Variants in NDUFAF2 observed in about 807,000 individuals in gnomAD.
NDUFAF2 encodes NADH:ubiquinone oxidoreductase complex assembly factor 2.
A neutral mutation model predicts 22.8 loss-of-function variants in NDUFAF2; 13 were observed. The observed-to-expected ratio is 0.57, with a 90% CI of 0.37 to 0.91. The LOEUF (loss-of-function observed/expected upper bound fraction) is 0.91. NDUFAF2 is among the 40% of genes least tolerant of loss of function. NDUFAF2 has a pLI of 0.01. For missense variants in NDUFAF2, 162 were observed against 195.2 expected (o/e 0.83, Z 1.01); for synonymous variants, 53 against 64.2 (o/e 0.83, Z 0.84).
intron 1 of NDUFAF2, among the ~76,000 whole-genome samples, chr5:61,072,639 CA>C (rs767995324): frequency 1.8e-3 from 267 of 152,202 alleles, no homozygotes; most frequent in Admixed American, 4.1e-3. Flanking sequence ...CTCTGTAGCC[CA>C]AGCTGGAGTG....
chr5:60,955,767 G>A (rs1240305468), intron 1 of NDUFAF2, among the ~76,000 whole-genome samples: 1 of 151,956 alleles, frequency 6.6e-6, no homozygotes, highest in Non-Finnish European at 1.5e-5. Context: ...ATGTTTTATA[G>A]TTTTCAGTGA....
intron 3 of NDUFAF2, among the ~76,000 whole-genome samples, chr5:61,113,476 A>C (rs1752870694): frequency 6.6e-6 from 1 of 152,100 alleles, no homozygotes; most frequent in Non-Finnish European, 1.5e-5. Flanking sequence ...CTCATCTTGC[A>C]TTGTAGTTCC....
chr5:61,097,646 A>G (rs1368785376), intron 2 of NDUFAF2, among the ~76,000 whole-genome samples: 1 of 152,224 alleles, frequency 6.6e-6, no homozygotes, highest in Non-Finnish European at 1.5e-5. Context: ...ATTATATGGC[A>G]TTAGGAAAGT....
At chr5:61,044,824 A>G (rs1050817265) in intron 1 of NDUFAF2, among the ~76,000 whole-genome samples, 7 of 152,034 alleles carry the variant, frequency 4.6e-5, no homozygotes, top group African/African-American at 1.7e-4. Flanking sequence ...TTGTGGTTCC[A>G]TTCAAATTTT....
intron 3 of NDUFAF2, among the ~76,000 whole-genome samples, chr5:61,146,686 C>G (rs1049680389): frequency 5.9e-5 from 9 of 151,924 alleles, no homozygotes; most frequent in Admixed American, 1.3e-4. Flanking sequence ...TATGATTATC[C>G]TGCTTGGGGT....
At chr5:61,006,879 C>A (rs62367886) in intron 1 of NDUFAF2, among the ~76,000 whole-genome samples, 15,832 of 152,072 alleles carry the variant, frequency 0.1, 1,112 homozygotes, top group South Asian at 0.17. Flanking sequence ...ATAACCAGAG[C>A]TTCCAAAAAT....
At chr5:61,106,611 G>A (rs1165556592) in intron 3 of NDUFAF2, among the ~76,000 whole-genome samples, 1 of 150,942 alleles carries the variant, frequency 6.6e-6, no homozygotes, top group Non-Finnish European at 1.5e-5. Flanking sequence ...TAGTCACTCT[G>A]TTGTACTATC....
At chr5:60,999,533 G>C (rs764303197) in intron 1 of NDUFAF2, among the ~76,000 whole-genome samples, 1 of 152,026 alleles carries the variant, frequency 6.6e-6, no homozygotes, top group Non-Finnish European at 1.5e-5. Flanking sequence ...TTCACTGATA[G>C]AGAAGCAAAT....
intron 2 of NDUFAF2, among the ~76,000 whole-genome samples, chr5:61,074,763 A>C (rs930082035): frequency 1.3e-5 from 2 of 152,106 alleles, no homozygotes; most frequent in Middle Eastern, 3.4e-3. Context: ...TCCGTCTCAA[A>C]AAAGAAAAGA....
At chr5:61,130,466 C>T (rs181780386) in intron 3 of NDUFAF2, among the ~76,000 whole-genome samples, 8 of 152,170 alleles carry the variant, frequency 5.3e-5, no homozygotes, top group Admixed American at 3.9e-4. Flanking sequence ...GTTATTGAAC[C>T]GGAAGAATTT....
intron 1 of NDUFAF2, among the ~76,000 whole-genome samples, chr5:60,969,937 C>A (rs1447200072): frequency 3.9e-5 from 6 of 152,144 alleles, no homozygotes; most frequent in Non-Finnish European, 8.8e-5. Flanking sequence ...CATTTTTCTG[C>A]ATATGGATAT....
chr5:60,974,552 C>A (rs928899889), intron 1 of NDUFAF2, among the ~76,000 whole-genome samples: 2 of 152,082 alleles, frequency 1.3e-5, no homozygotes, highest in African/African-American at 4.8e-5. Flanking sequence ...AGGGTTTCAC[C>A]ATTTTGGCCA....
chr5:61,147,651 G>A (rs530648565), intron 3 of NDUFAF2, among the ~76,000 whole-genome samples: 14 of 151,912 alleles, frequency 9.2e-5, no homozygotes, highest in Admixed American at 6.6e-4. Flanking sequence ...TGATGGAAAT[G>A]TTTTATAACT....
intron 1 of NDUFAF2, among the ~76,000 whole-genome samples, chr5:61,007,598 C>T (rs1317204990): frequency 5.9e-5 from 9 of 152,100 alleles, no homozygotes; most frequent in Admixed American, 3.3e-4. Flanking sequence ...AAAACCACAA[C>T]GAGATACCAT....
intron 3 of NDUFAF2, among the ~76,000 whole-genome samples, chr5:61,105,628 G>GA (rs1752753435): frequency 1.4e-5 from 1 of 72,004 alleles, no homozygotes; most frequent in African/African-American, 4.6e-5. Flanking sequence ...ATGATACTGA[G>GA]CAAAAAAAAA....
chr5:61,112,888 C>CTTTTTTTTTTTTT (rs35786013), intron 3 of NDUFAF2, among the ~76,000 whole-genome samples: 2 of 141,148 alleles, frequency 1.4e-5, no homozygotes, highest in African/African-American at 2.6e-5. Flanking sequence ...TTAGTTTATT[C>CTTTTTTTTTTTTT]TTTTTTTTTT....
At chr5:61,112,141 T>A (rs75048532) in intron 3 of NDUFAF2, among the ~76,000 whole-genome samples, 3,686 of 152,160 alleles carry the variant, frequency 0.024, 63 homozygotes, top group Non-Finnish European at 0.038. Context: ...GTTGGGTGGA[T>A]ATATATTTAT....
At chr5:61,044,412 C>T (rs1229165131) in intron 1 of NDUFAF2, among the ~76,000 whole-genome samples, 1 of 152,014 alleles carries the variant, frequency 6.6e-6, no homozygotes, top group African/African-American at 2.4e-5. Flanking sequence ...GGTATCATAT[C>T]CAAGACATCA....
intron 1 of NDUFAF2, among the ~76,000 whole-genome samples, chr5:61,015,093 C>T (rs116202687): frequency 0.013 from 1,956 of 152,240 alleles, 21 homozygotes; most frequent in South Asian, 0.035. Context: ...GCAAGGCTGA[C>T]TTTTGGGACA....
Sources: allele counts gnomAD v4.1 joint callset (sites outside exome capture counted in the v4.1 genomes callset), GRCh38; gene constraint gnomAD v4.1.1; transcripts MANE v1.5; gene names NCBI Gene and HGNC (gene_info 2026-07-23, HGNC 2026-07-21).